The following SBNO2 variants were observed in gnomAD, a reference collection of about 807,000 sequenced individuals.
SBNO2 encodes strawberry notch homolog 2, also known as protein strawberry notch homolog 2.
A neutral mutation model predicts 146.3 loss-of-function variants in SBNO2; 89 were observed. The ratio of observed to expected loss-of-function variants is 0.61; its 90% CI spans 0.51 to 0.73. The LOEUF is 0.73. SBNO2 is among the 30% of genes least tolerant of loss of function. SBNO2 has a pLI of 0.00. For synonymous variants in SBNO2, 1,147 were observed against 892.6 expected (o/e 1.29, Z -5.08); for missense variants, 2,092 against 2,003.7 (o/e 1.04, Z -0.84).
intron 4 of SBNO2, among the ~76,000 whole-genome samples, chr19:1,143,467 G>T (rs1286800460): frequency 2.0e-5 from 3 of 152,106 alleles, no homozygotes; most frequent in African/African-American, 7.2e-5. Context: ...GCCAGACCCT[G>T]TCTCTAAAAA....
chr19:1,172,778 GC>G lies in SBNO2; in HGVS notation c.-127+1393del, dbSNP rs201804891. Among the ~76,000 whole-genome samples, 2 of 36,302 alleles carry G rather than the reference GC, an allele frequency of 5.5e-5. 1 individual carries two copies. The highest frequency in any genetic ancestry group is 3.7e-4 in the African/African-American group (2 of 5,466). 23.8% of individuals were successfully genotyped at this position (36,302 alleles called of 152,430 possible). A position where few individuals can be genotyped will look rare whatever the true frequency, so the allele number is the denominator to read the frequency against. On this transcript the variant is annotated intron_variant, in intron 1 of 31. Coordinates refer to ENST00000361757, the MANE Select transcript of SBNO2 (RefSeq NM_014963.3). ...CCTCTGTAAAACACTCACTGCAACCGCCCCCCCCGCCCCGGCAAACTGGCAG... is the reference window on the plus strand; with the variant it reads ...CCTCTGTAAAACACTCACTGCAACCGCCCCCCCGCCCCGGCAAACTGGCAG...
intron 1 of SBNO2, among the ~76,000 whole-genome samples, chr19:1,161,537 G>C (rs111615321): frequency 9.5e-6 from 1 of 105,732 alleles, no homozygotes; most frequent in Non-Finnish European, 2.0e-5. Context: ...TGAGCACTGG[G>C]GGGGTGGAAG....
At position 1,174,200 on chromosome 19, in the gene SBNO2, G is replaced by A. The variant is rs2080509419; in HGVS notation, c.-155C>T. On this transcript the variant is annotated 5_prime_UTR_variant, in exon 1 of 32. Coordinates refer to ENST00000361757, the MANE Select transcript of SBNO2 (RefSeq NM_014963.3). ...GGGCCCGGGTCCGGCCGGGCGCGGA[G>A]CCCGCGGCGCCTGTTTCTCCGAGCC... The A allele has an allele frequency of 6.6e-6, 1 of 151,948 alleles. No homozygotes were observed. The highest frequency in any genetic ancestry group is 2.4e-5 in the African/African-American group (1 of 41,396). The allele number at this position is 151,948 out of a possible 1,614,324, so 9.4% of individuals were successfully genotyped here. A position where few individuals can be genotyped will look rare whatever the true frequency, so the allele number is the denominator to read the frequency against.
Position 1,112,152 on chromosome 19 carries a change from C to G in SBNO2, c.2628+37G>C, listed in dbSNP as rs1157722884. On this transcript the variant is annotated intron_variant, in intron 22 of 31. Transcript: ENST00000361757. This position sits in a 1 kb window ranked among gnomAD's most constrained non-coding sequence, Gnocchi z 5.9. Reference sequence around the variant, plus strand: ...AAAGCTTTGGAGAGCCTTCCTGGGCCTGTCCCTGGTTCTCAGCCCCACCCC... The same window carrying G: ...AAAGCTTTGGAGAGCCTTCCTGGGCGTGTCCCTGGTTCTCAGCCCCACCCC... 1.9e-6 allele frequency: 3 copies of G among 1,591,984 alleles called. No homozygotes were observed. In the Admixed American group the frequency reaches 5.3e-5, roughly 28 times the overall value.
chr19:1,141,404 G>A (rs1299488539), intron 4 of SBNO2, among the ~76,000 whole-genome samples: 2 of 152,040 alleles, frequency 1.3e-5, no homozygotes, highest in Non-Finnish European at 2.9e-5. Flanking sequence ...TAGTAGAGAC[G>A]GGGTTTCGCC....
intron 12 of SBNO2, 25 bp from the exon 13 acceptor site, chr19:1,119,646 T>C: frequency 3.2e-6 from 5 of 1,577,956 alleles, no homozygotes; most frequent in Non-Finnish European, 4.3e-6. Context: ...TGCCGTCAGC[T>C]CCCCAACCCG....
intron 13 of SBNO2, 98 bp from the exon 14 acceptor site, chr19:1,119,262 G>A (rs1225277048): frequency 1.1e-5 from 15 of 1,409,086 alleles, no homozygotes; most frequent in African/African-American, 2.9e-5. Flanking sequence ...GGGCGGGGTC[G>A]GCAGGAGCAG....
rs771478042 is a variant in SBNO2, at chr19:1,108,786, C to T, written c.3609G>A (p.Lys1203=). 1.9e-6 allele frequency: 3 copies of T among 1,602,780 alleles called. No individual in the cohort carries two copies. The highest frequency in any genetic ancestry group is 1.3e-5 in the African/African-American group (1 of 74,916). The change falls in exon 31 of 32, where the codon AAG becomes AAA. Residue 1203 remains lysine, a synonymous_variant. Coordinates refer to ENST00000361757, the MANE Select transcript of SBNO2 (RefSeq NM_014963.3). ...CGCCCGCCGCCCACTCACCCACTTG[C>T]TTCTTCCTGTCCTTGGTCTTCAGCC... ...IVRLKTKDRK[K]QVGIKIPEGC... is the part of the protein sequence containing the mutation.
At chr19:1,168,048 G>A (rs564015843) in intron 1 of SBNO2, among the ~76,000 whole-genome samples, 9 of 152,302 alleles carry the variant, frequency 5.9e-5, no homozygotes, top group Admixed American at 2.0e-4. Flanking sequence ...CCTGGGGAGG[G>A]GCAGCGGAGA....
rs183453199 is a variant in SBNO2 at position 1,157,834 on chromosome 19, C to A, written c.-126-3432G>T. Among the ~76,000 whole-genome samples, 1 of 145,810 alleles carries A rather than the reference C, an allele frequency of 6.9e-6. No individual in the cohort carries two copies. Among genetic ancestry groups the A allele is most frequent in the African/African-American group, 2.5e-5 (1 of 40,204 alleles). Reference sequence around the variant, plus strand: ...GCTCTCTCCTGAGTCCGGGTAACTGCGTCCGCCTCCCAGCTCTCTCTCTTG... The same window carrying A: ...GCTCTCTCCTGAGTCCGGGTAACTGAGTCCGCCTCCCAGCTCTCTCTCTTG... On this transcript the variant is annotated intron_variant, in intron 1 of 31. Transcript: ENST00000361757. This position sits in a 1 kb window ranked among gnomAD's most constrained non-coding sequence, Gnocchi z 6.8.
chr19:1,110,135 G>A lies in SBNO2; in HGVS notation c.3029-358C>T, dbSNP rs2079738165. Among the ~76,000 whole-genome samples, 1 of 152,022 alleles carries A rather than the reference G, an allele frequency of 6.6e-6. No individual in the cohort carries two copies. Among genetic ancestry groups the A allele is most frequent in the African/African-American group, 2.4e-5 (1 of 41,388 alleles). The stretch of plus-strand genomic sequence containing the variant: ...AGGAGATTGTAGGAGCCTGGGGGCT[G>A]CTCAGGTGCTGGGTGACCCCAAGCA... On this transcript the variant is annotated intron_variant, in intron 26 of 31. Transcript: ENST00000361757. The surrounding 1 kb of genome is among the most constrained non-coding windows in gnomAD (Gnocchi z 4.9).
intron 2 of SBNO2, among the ~76,000 whole-genome samples, chr19:1,149,881 C>T (rs1389758098): frequency 1.3e-5 from 2 of 152,150 alleles, no homozygotes; most frequent in African/African-American, 2.4e-5. Context: ...GGGTGGGTGT[C>T]GGGGGCTCCT....
In SBNO2 at chr19:1,149,428, G is replaced by A. The variant is rs1349437347; in HGVS notation, c.108C>T (p.His36=). 1.9e-6 allele frequency: 3 copies of A among 1,552,150 alleles called. No individual in the cohort carries two copies. Among genetic ancestry groups the A allele is most frequent in the Admixed American group, 2.0e-5 (1 of 51,142 alleles). The stretch of plus-strand genomic sequence containing the variant: ...GCGAGAAGGTGTTCCAGTAGGGGCA[G>A]TGCAGCATGGCGCTCTAGAAGAGAC... ...SPPPLQSAML[H]CPYWNTFSLP... is the part of the protein sequence containing the mutation. The change falls in exon 3 of 32, where the codon CAC becomes CAT. Residue 36 remains histidine, a synonymous_variant. Coordinates refer to ENST00000361757, the MANE Select transcript of SBNO2 (RefSeq NM_014963.3).
chr19:1,159,217 A>G (rs765074716), intron 1 of SBNO2, among the ~76,000 whole-genome samples: 1 of 151,754 alleles, frequency 6.6e-6, no homozygotes, highest in Non-Finnish European at 1.5e-5. Context: ...TGGCGATTTC[A>G]CAAGGCTCAG....
At position 1,173,544 on chromosome 19, in the gene SBNO2, C is replaced by A. The variant is rs2080501273; in HGVS notation, c.-127+628G>T. ...GAGGGAGGGAGACAGGGCTGCGCTG[C>A]GGGGCCGAGAAGGCAAGGGTCCTGG... On this transcript the variant is annotated intron_variant, in intron 1 of 31. Transcript: ENST00000361757. The surrounding 1 kb of genome is among the most constrained non-coding windows in gnomAD (Gnocchi z 4.7). Among the ~76,000 whole-genome samples, 1 of 151,892 alleles carries A rather than the reference C, an allele frequency of 6.6e-6. No homozygotes were observed. The highest frequency in any genetic ancestry group is 1.5e-5 in the Non-Finnish European group (1 of 67,970).
chr19:1,111,437 A>G (rs2079758699), intron 24 of SBNO2, 69 bp downstream of exon 24: 1 of 1,088,960 alleles, frequency 9.2e-7, no homozygotes, highest in Non-Finnish European at 1.4e-6. Flanking sequence ...CTGCTGCCCC[A>G]GCTGCTCTGG....
At position 1,119,501 on chromosome 19, in the gene SBNO2, G is replaced by A; in HGVS notation, c.1373+15C>T. 1.3e-6 allele frequency: 2 copies of A among 1,571,732 alleles called. No individual in the cohort carries two copies. Among genetic ancestry groups the A allele is most frequent in the Non-Finnish European group, 1.7e-6 (2 of 1,151,578 alleles). On this transcript the variant is annotated intron_variant, in intron 13 of 31. Transcript: ENST00000361757. ...CCCCCCGCCGCCCCTCCACGTGGGT[G>A]AGAAGGGCACTCACCTCTTCTCGAT...
chr19:1,119,760 G>C, intron 12 of SBNO2, 139 bp from the exon 13 acceptor site: 1 of 964,030 alleles, frequency 1.0e-6, no homozygotes. Context: ...GCGTGGCCTT[G>C]GGACAGGCGC....
Position 1,117,321 on chromosome 19 carries a change from A to C in SBNO2, c.1704+2T>G. On this transcript the variant is annotated splice_donor_variant, in intron 15 of 31. Transcript: ENST00000361757. LOFTEE classifies it high-confidence loss of function. ...CAGCCCTCGAAGGCCGCAGCCGCTC[A>C]CCTTGTCTCGCGCCAGCTCCTCTCG... The C allele has an allele frequency of 6.4e-7, 1 of 1,559,582 alleles. No individual in the cohort carries two copies. The highest frequency in any genetic ancestry group is 8.7e-7 in the Non-Finnish European group (1 of 1,153,048).
Sources: gnomAD v4.1 joint callset for allele counts (sites outside exome capture counted in the v4.1 genomes callset) on GRCh38, gnomAD v4.1.1 for gene constraint, Gnocchi (gnomAD v3.1) non-coding constraint, MANE v1.5 for transcripts, NCBI Gene and HGNC (gene_info 2026-07-23, HGNC 2026-07-21) for gene names.